The following CLEC1B variants were observed in gnomAD, a reference collection of about 807,000 sequenced individuals.
CLEC1B encodes the protein C-type lectin-like receptor 2.
Under a neutral mutation model 26.7 loss-of-function variants are expected in CLEC1B, and 26 were observed. That is an observed-to-expected ratio of 0.97 (90% CI 0.71 to 1.35). The LOEUF is 1.35. Ranked by LOEUF, CLEC1B falls within the 40% of genes most tolerant of loss-of-function variation. The probability of loss-of-function intolerance (pLI) is 0.00; values close to 1 mark genes in which losing one functional copy is unlikely to be tolerated. For synonymous variants in CLEC1B, 112 were observed against 96.0 expected (o/e 1.17, Z -0.97); for missense variants, 293 against 282.6 (o/e 1.04, Z -0.26).
chr12:9,995,091 A>C (rs1591849098), intron 5 of CLEC1B, 49 bp downstream of exon 5: 1 of 1,604,964 alleles, frequency 6.2e-7, no homozygotes, highest in East Asian at 2.2e-5. Context: ...GAATCTCAAG[A>C]ATAAGAGTTT....
chr12:10,001,699 G>T (rs1303441566), upstream of CLEC1B, among the ~76,000 whole-genome samples: 1 of 152,290 alleles, frequency 6.6e-6, no homozygotes, highest in African/African-American at 2.4e-5. Flanking sequence ...AAGAGAGATA[G>T]ATATCACAAA....
intron 5 of CLEC1B, 119 bp from the exon 6 acceptor site, chr12:9,993,406 C>CAAAA: frequency 5.9e-6 from 3 of 509,742 alleles, no homozygotes; most frequent in South Asian, 1.9e-5. Context: ...GAAAAAAAAA[C>CAAAA]AAAAAAAAAA....
intron 5 of CLEC1B, among the ~76,000 whole-genome samples, chr12:9,994,465 A>T (rs1864981183): frequency 6.6e-6 from 1 of 152,132 alleles, no homozygotes; most frequent in East Asian, 1.9e-4. Flanking sequence ...TTTGGTTATC[A>T]GTTTAAATTT....
intron 2 of CLEC1B, among the ~76,000 whole-genome samples, chr12:9,997,538 A>C (rs1045434726): frequency 2.0e-5 from 3 of 152,180 alleles, no homozygotes; most frequent in African/African-American, 4.8e-5. Flanking sequence ...CATCGATAAC[A>C]TCCCCAGAGC....
intron 1 of CLEC1B, among the ~76,000 whole-genome samples, chr12:9,998,803 G>C (rs758318086): frequency 1.3e-5 from 2 of 152,116 alleles, no homozygotes; most frequent in South Asian, 4.2e-4. Flanking sequence ...CTATGCCCTC[G>C]AGTATTAAAC....
chr12:10,000,166 TATAA>T (rs1865140518), upstream of CLEC1B, among the ~76,000 whole-genome samples: 2 of 152,240 alleles, frequency 1.3e-5, no homozygotes, highest in Non-Finnish European at 1.5e-5. Flanking sequence ...GCATTTACCT[TATAA>T]ATAATTTGAA....
chr12:9,998,644 T>TTTGTG (rs1555145642), intron 1 of CLEC1B, among the ~76,000 whole-genome samples: 2 of 145,618 alleles, frequency 1.4e-5, no homozygotes, highest in African/African-American at 5.2e-5. Flanking sequence ...GTGTTTGTAT[T>TTTGTG]TTTTGTTTTG....
At chr12:9,994,614 T>C (rs768148803) in intron 5 of CLEC1B, among the ~76,000 whole-genome samples, 7 of 152,082 alleles carry the variant, frequency 4.6e-5, no homozygotes, top group Non-Finnish European at 8.8e-5. Flanking sequence ...AGGACAAAGC[T>C]TCGTTAATGG....
At position 9,998,345 on chromosome 12, in the gene CLEC1B, C is replaced by G. The variant is rs2137245159; in HGVS notation, c.100G>C (p.Ala34Pro). The change falls in exon 2 of 6, where the codon GCT becomes CCT. Residue 34 changes from alanine (A) to proline (P), a missense_variant. Physicochemically the swap from Ala to Pro is conservative, Grantham distance 27. Transcript: ENST00000298527. ...ACGCACAGGATCAGCAGAATCAAAG[C>G]CATCACACGCCACCAGGAGGAGGAT... is the stretch of plus-strand genomic sequence containing the variant. ...SASSSWWRVMALILLILCVGM... is the reference protein window; with the variant it reads ...SASSSWWRVMPLILLILCVGM... 3 of 1,614,032 alleles carry G rather than the reference C, an allele frequency of 1.9e-6. No homozygotes were observed. The highest frequency in any genetic ancestry group is 4.5e-5 in the East Asian group (2 of 44,872).
intron 5 of CLEC1B, among the ~76,000 whole-genome samples, chr12:9,994,089 G>A (rs1310816547): frequency 3.3e-5 from 5 of 152,082 alleles, no homozygotes; most frequent in Non-Finnish European, 7.4e-5. Context: ...GGGTTTAAGG[G>A]AGGCTAATTT....
chr12:9,994,833 GCACACA>G (rs34982294), intron 5 of CLEC1B, among the ~76,000 whole-genome samples: 1 of 150,766 alleles, frequency 6.6e-6, no homozygotes, highest in African/African-American at 2.4e-5. Context: ...GTGCATGCGC[GCACACA>G]CACACACACA....
intron 5 of CLEC1B, among the ~76,000 whole-genome samples, chr12:9,993,524 C>T (rs1330231389): frequency 6.6e-6 from 1 of 151,952 alleles, no homozygotes; most frequent in Non-Finnish European, 1.5e-5. Flanking sequence ...AGCAAGGGAA[C>T]AGTAGGTACA....
chr12:9,996,606 G>A (rs111731308), intron 4 of CLEC1B: 5 of 487,320 alleles, frequency 1.0e-5, no homozygotes, highest in Non-Finnish European at 1.8e-5. Context: ...GACCCACTAT[G>A]TACCTGAGCT....
chr12:9,998,948 A>C, intron 1 of CLEC1B, 89 bp downstream of exon 1: 1 of 770,270 alleles, frequency 1.3e-6, no homozygotes, highest in Non-Finnish European at 2.2e-6. Context: ...AAATTAAACT[A>C]TATATATTAT....
chr12:9,997,400 CAT>C, intron 2 of CLEC1B, 121 bp from the exon 3 acceptor site: 1 of 827,712 alleles, frequency 1.2e-6, no homozygotes, highest in South Asian at 1.9e-5. Context: ...ACTAGATACA[CAT>C]GATTAAATGA....
chr12:9,994,955 G>A (rs1208571289), intron 5 of CLEC1B, 185 bp downstream of exon 5: 1 of 1,457,570 alleles, frequency 6.9e-7, no homozygotes, highest in Non-Finnish European at 9.1e-7. Context: ...TAGATAAAGA[G>A]CAAAGTAATG....
chr12:9,994,245 G>T (rs1446882546), intron 5 of CLEC1B, among the ~76,000 whole-genome samples: 2 of 152,042 alleles, frequency 1.3e-5, no homozygotes, highest in Non-Finnish European at 2.9e-5. Context: ...AAACGAGTTT[G>T]ATTTGTTGGA....
chr12:9,995,604 T>C (rs3818343), intron 4 of CLEC1B: 27,775 of 340,076 alleles, frequency 0.082, 1,273 homozygotes, highest in East Asian at 0.15. Flanking sequence ...AGAAATACAT[T>C]GTTGATGAGC....
chr12:9,998,051 A>G (rs1865094236), intron 2 of CLEC1B, among the ~76,000 whole-genome samples: 1 of 152,214 alleles, frequency 6.6e-6, no homozygotes, highest in Non-Finnish European at 1.5e-5. Flanking sequence ...AAAGGCCAGT[A>G]GTACATTCTT....
Sources: allele counts gnomAD v4.1 joint callset (sites outside exome capture counted in the v4.1 genomes callset), GRCh38; gene constraint gnomAD v4.1.1; transcripts MANE v1.5; gene names NCBI Gene and HGNC (gene_info 2026-07-23, HGNC 2026-07-21).